Variants in SLC25A26 observed in about 807,000 individuals in gnomAD.
The protein encoded by SLC25A26 is solute carrier family 25 member 26, also known as mitochondrial S-adenosylmethionine carrier protein.
SLC25A26 carries 36 observed loss-of-function variants against 37.8 expected under a neutral mutation model. The observed-to-expected ratio is 0.95, with a 90% CI of 0.73 to 1.26. The LOEUF is 1.26. Among genes scored for constraint, SLC25A26 ranks in the 50% most tolerant of loss-of-function variants. The pLI is 0.00. For synonymous variants in SLC25A26, 129 were observed against 122.5 expected, an observed-to-expected ratio of 1.05 and a Z score of -0.35; for missense variants, 390 against 331.1, an observed-to-expected ratio of 1.18 and a Z score of -1.38.
intron 5 of SLC25A26, among the ~76,000 whole-genome samples, chr3:66,342,047 T>G (rs544266774): frequency 1.3e-5 from 2 of 152,326 alleles, no homozygotes; most frequent in East Asian, 3.9e-4. Flanking sequence ...ATGGTTTTGT[T>G]GTCGGTGGGA....
chr3:66,146,431 A>G (rs2070115738), intron 1 of SLC25A26, among the ~76,000 whole-genome samples: 1 of 152,094 alleles, frequency 6.6e-6, no homozygotes, highest in Non-Finnish European at 1.5e-5. Context: ...CAAAGAATAT[A>G]ATATGGAAAG....
At chr3:66,270,923 A>G (rs2073934844) in intron 5 of SLC25A26, among the ~76,000 whole-genome samples, 1 of 152,212 alleles carries the variant, frequency 6.6e-6, no homozygotes, top group African/African-American at 2.4e-5. Context: ...AATTTCATTT[A>G]CGCTGTGAAG....
rs1269441067 is a variant in SLC25A26 at position 66,335,297 on chromosome 3, G to A, written c.454-11067G>A. 2.0e-5 allele frequency among the ~76,000 whole-genome samples: 3 copies of A among 152,190 alleles called. No homozygotes were observed. The East Asian group carries it at 5.8e-4, about 29-fold the overall frequency. The stretch of plus-strand genomic sequence containing the variant: ...TCATAAATAAGAATTAATTGGGAAA[G>A]CATTTATGGAGTGACTTTACAGAGT... On this transcript the variant is annotated intron_variant, in intron 5 of 9. Transcript: ENST00000354883.
chr3:66,282,294 A>G (rs2107455438), intron 5 of SLC25A26, among the ~76,000 whole-genome samples: 1 of 151,158 alleles, frequency 6.6e-6, no homozygotes, highest in South Asian at 2.1e-4. Flanking sequence ...TACAGGCGTG[A>G]GCCACCGCGC....
At chr3:66,299,834 ATATT>A (rs2075020405) in intron 5 of SLC25A26, among the ~76,000 whole-genome samples, 1 of 152,146 alleles carries the variant, frequency 6.6e-6, no homozygotes, top group Non-Finnish European at 1.5e-5. Flanking sequence ...GAAAAAGAAA[ATATT>A]TATTTGCTTC....
In SLC25A26 at chr3:66,378,112, G is replaced by A. The variant is rs752783346; in HGVS notation, c.*305G>A. 1 of 235,416 alleles carries A rather than the reference G, an allele frequency of 4.2e-6. No individual in the cohort carries two copies. Among genetic ancestry groups the A allele is most frequent in the Non-Finnish European group, 8.2e-6 (1 of 122,026 alleles). 14.6% of individuals were successfully genotyped at this position (235,416 alleles called of 1,614,324 possible). On this transcript the variant is annotated 3_prime_UTR_variant, in exon 10 of 10. Transcript: ENST00000354883. ...GCCTTTTAGAGCTTTCATTTGATCT[G>A]TATCTGATCTTTCATTTCCTGCCAC...
rs1478683494 is a variant in SLC25A26, at chr3:66,352,832, A to G, written c.498+6424A>G. 2.6e-5 allele frequency among the ~76,000 whole-genome samples: 4 copies of G among 151,984 alleles called. No individual in the cohort carries two copies. The East Asian group carries it at 5.8e-4, about 22-fold the overall frequency. ...TCTTTCCCCATTACTCAGGCCTTAGATCACATGTCACCTCAGAGAGACGTT... is the reference window on the plus strand; with the variant it reads ...TCTTTCCCCATTACTCAGGCCTTAGGTCACATGTCACCTCAGAGAGACGTT... On this transcript the variant is annotated intron_variant, in intron 6 of 9. Transcript: ENST00000354883.
At chr3:66,375,175 T>TA (rs1278317310) in intron 9 of SLC25A26, among the ~76,000 whole-genome samples, 1 of 152,168 alleles carries the variant, frequency 6.6e-6, no homozygotes, top group East Asian at 1.9e-4. Flanking sequence ...TTAACTCTCT[T>TA]CCCTGAAGGC....
chr3:66,359,193 G>A (rs764314046), intron 6 of SLC25A26, among the ~76,000 whole-genome samples: 1 of 151,820 alleles, frequency 6.6e-6, no homozygotes, highest in Admixed American at 6.6e-5. Flanking sequence ...GTGTTTTTTC[G>A]CCCCCTGGCA....
At chr3:66,156,949 C>A (rs1398477211) in intron 1 of SLC25A26, among the ~76,000 whole-genome samples, 1 of 152,118 alleles carries the variant, frequency 6.6e-6, no homozygotes, top group Non-Finnish European at 1.5e-5. Flanking sequence ...GAAACAACAA[C>A]TGGCCGGGCA....
chr3:66,245,410 C>G (rs2072786066), intron 3 of SLC25A26, among the ~76,000 whole-genome samples: 1 of 152,094 alleles, frequency 6.6e-6, no homozygotes, highest in Non-Finnish European at 1.5e-5. Flanking sequence ...GTGTTATTTT[C>G]AAATCACACA....
At chr3:66,209,090 G>GTATATA (rs1212142217) in intron 1 of SLC25A26, among the ~76,000 whole-genome samples, 26 of 46,358 alleles carry the variant, frequency 5.6e-4, no homozygotes, top group African/African-American at 1.7e-3. Context: ...ATATAAAGAT[G>GTATATA]TATATATATA....
intron 5 of SLC25A26, among the ~76,000 whole-genome samples, chr3:66,294,638 CAT>C (rs1033665135): frequency 1.4e-4 from 21 of 152,054 alleles, no homozygotes; most frequent in Non-Finnish European, 2.4e-4. Context: ...GTGATGTTCT[CAT>C]ATAAATTATA....
At chr3:66,273,608 A>C (rs1322507473) in intron 5 of SLC25A26, among the ~76,000 whole-genome samples, 7 of 152,052 alleles carry the variant, frequency 4.6e-5, no homozygotes, top group Admixed American at 1.3e-4. Flanking sequence ...ATACACCAAT[A>C]ATAGACAGAG....
chr3:66,310,435 G>A (rs1161479829), intron 5 of SLC25A26, among the ~76,000 whole-genome samples: 2 of 152,054 alleles, frequency 1.3e-5, no homozygotes, highest in Non-Finnish European at 1.5e-5. Flanking sequence ...CACGCCAGTG[G>A]GTCTTAACTC....
rs1376549886 is a variant in SLC25A26, at chr3:66,157,400, G to GGCAACA, written c.-354+23417_-354+23422dup. On this transcript the variant is annotated intron_variant, in intron 1 of 10. Transcript: ENST00000676754. ...AGCTCAAGAGTTCCAGACCAGTCTA[G>GGCAACA]GCAACACAGTGAGACTCCATCTCTA... Among the ~76,000 whole-genome samples, 13 of 152,276 alleles carry GGCAACA rather than the reference G, an allele frequency of 8.5e-5. No homozygotes were observed. In the South Asian group the frequency reaches 2.3e-3, roughly 27 times the overall value.
rs142303719 is a variant in SLC25A26, at chr3:66,248,046, A to G, written c.300+4734A>G. 9.7e-3 allele frequency among the ~76,000 whole-genome samples: 1,473 copies of G among 152,348 alleles called. 8 individuals are homozygous for G. Among genetic ancestry groups the G allele is most frequent in the Middle Eastern group, 0.024 (7 of 294 alleles). Reference sequence around the variant, plus strand: ...AACACATTTGCTTTGATAGATTATTATGTTAGACAGATTGGTTAGAAACAA... The same window carrying G: ...AACACATTTGCTTTGATAGATTATTGTGTTAGACAGATTGGTTAGAAACAA... On this transcript the variant is annotated intron_variant, in intron 3 of 9. Transcript: ENST00000354883.
At chr3:66,332,331 T>C (rs911714296) in intron 5 of SLC25A26, among the ~76,000 whole-genome samples, 1 of 152,248 alleles carries the variant, frequency 6.6e-6, no homozygotes, top group Non-Finnish European at 1.5e-5. Context: ...TACTTTCAAT[T>C]CAGTCCTTAG....
chr3:66,206,208 G>A (rs2071174439), intron 1 of SLC25A26, among the ~76,000 whole-genome samples: 1 of 152,152 alleles, frequency 6.6e-6, no homozygotes, highest in South Asian at 2.1e-4. Flanking sequence ...GCCAGGGACT[G>A]TCCGCCATAA....
Sources: gnomAD v4.1 joint callset for allele counts (sites outside exome capture counted in the v4.1 genomes callset) on GRCh38, gnomAD v4.1.1 for gene constraint, MANE v1.5 for transcripts, NCBI Gene and HGNC (gene_info 2026-07-23, HGNC 2026-07-21) for gene names.